Variants in ERG28 observed in about 807,000 individuals in gnomAD.
ERG28 encodes the protein ergosterol biosynthetic protein 28 homolog.
In ERG28, 9 loss-of-function variants were observed where a neutral mutation model predicts 15.7. That is an observed-to-expected ratio of 0.57 (90% confidence interval 0.35 to 1.00). ERG28 has a LOEUF of 1.00. Among genes scored for constraint, ERG28 ranks in the 50% least tolerant of loss-of-function variants. The pLI is 0.02. For synonymous variants in ERG28, 61 were observed against 68.4 expected, an observed-to-expected ratio of 0.89 and a Z score of 0.53; for missense variants, 117 against 173.3, an observed-to-expected ratio of 0.68 and a Z score of 1.82.
Position 75,657,356 on chromosome 14 carries a change from C to T in ERG28, c.133+14G>A, listed in dbSNP as rs200233869. 4.1e-5 allele frequency: 66 copies of T among 1,613,656 alleles called. 1 individual carries two copies. Among genetic ancestry groups the T allele is most frequent in the Non-Finnish European group, 9.3e-6 (11 of 1,179,822 alleles). On this transcript the variant is annotated intron_variant, in intron 2 of 4. Transcript: ENST00000256319. Reference sequence around the variant, plus strand: ...AAGTCCTATAAAGGATGCAGAAATTCTTTGATTTCTTACCAAGGTTTGGCT... The same window carrying T: ...AAGTCCTATAAAGGATGCAGAAATTTTTTGATTTCTTACCAAGGTTTGGCT...
intron 1 of ERG28, among the ~76,000 whole-genome samples, chr14:75,659,401 A>G (rs528097138): frequency 2.6e-5 from 4 of 152,168 alleles, no homozygotes; most frequent in African/African-American, 7.2e-5. Flanking sequence ...TCTGTCACAC[A>G]GGCTGGAATG....
rs1399224225 is a variant in ERG28 at position 75,659,367 on chromosome 14, TA to T, written c.-32+1407del. On this transcript the variant is annotated intron_variant, in intron 1 of 4. Transcript: ENST00000256319. ...TTTTTTAATTTATTATTTATTTATT[TA>T]TTTTTTTGAGACAGGGTCTTGCTCT... 5.9e-5 allele frequency among the ~76,000 whole-genome samples: 9 copies of T among 152,260 alleles called. No homozygotes were observed. In the East Asian group the frequency reaches 1.7e-3, roughly 29 times the overall value.
At chr14:75,654,850 C>G in intron 3 of ERG28, 36 bp downstream of exon 3, 1 of 1,573,486 alleles carries the variant, frequency 6.4e-7, no homozygotes, top group Non-Finnish European at 8.7e-7. Context: ...TGATTTCCAA[C>G]AAAAGGATGC....
At chr14:75,655,051 G>A (rs1341083179) in intron 2 of ERG28, 75 bp from the exon 3 acceptor site, 2 of 1,421,810 alleles carry the variant, frequency 1.4e-6, no homozygotes, top group African/African-American at 2.8e-5. Context: ...CTATTTCACT[G>A]GTGGTTCATG....
intron 3 of ERG28, among the ~76,000 whole-genome samples, chr14:75,653,313 G>A (rs910473866): frequency 6.6e-6 from 1 of 151,994 alleles, no homozygotes; most frequent in Non-Finnish European, 1.5e-5. Context: ...GTAAAGATAA[G>A]TCTGGGTCAG....
Position 75,651,799 on chromosome 14 carries a change from A to C in ERG28, c.315T>G (p.Ile105Met), listed in dbSNP as rs748156886. 1 of 1,614,086 alleles carries C rather than the reference A, an allele frequency of 6.2e-7. No homozygotes were observed. The highest frequency in any genetic ancestry group is 8.5e-7 in the Non-Finnish European group (1 of 1,179,916). Residue 105 changes from isoleucine to methionine, a missense_variant, in exon 4 of 5, where the codon ATT becomes ATG. Ile to Met is a conservative substitution (Grantham distance 10). Transcript: ENST00000256319. ...CCACCATCAGGGGTGCCAGGACGCC[A>C]ATCGTGGGAGCTGCAGTTCCATAGA... Reference protein sequence around the residue: ...LFVYGTAAPTIGVLAPLMVAS... With the variant: ...LFVYGTAAPTMGVLAPLMVAS...
At chr14:75,659,935 T>G (rs1292072461) in intron 1 of ERG28, among the ~76,000 whole-genome samples, 3 of 147,676 alleles carry the variant, frequency 2.0e-5, no homozygotes, top group Non-Finnish European at 3.0e-5. Context: ...GGTGAATTGA[T>G]GAGCCCTTCA....
rs1428934349 is a variant in ERG28, at chr14:75,654,968, G to C, written c.142C>G (p.Leu48Val). The change falls in exon 3 of 5, where the codon CTC becomes GTC. Residue 48 changes from leucine to valine, a missense_variant. Coordinates refer to ENST00000256319, the MANE Select transcript of ERG28 (RefSeq NM_007176.4). ...CAGATCCCAAAGGTCCGAGCTTGGA[G>C]GCCATTCACTGTGTAGCAGAAAAAA... ...YTGKPNLVNG[L>V]QARTFGIWTL... The C allele has an allele frequency of 2.5e-6, 4 of 1,613,844 alleles. No homozygotes were observed. The highest frequency in any genetic ancestry group is 3.4e-6 in the Non-Finnish European group (4 of 1,179,850).
At chr14:75,659,563 CTT>C (rs10706626) in intron 1 of ERG28, among the ~76,000 whole-genome samples, 2,080 of 138,056 alleles carry the variant, frequency 0.015, 16 homozygotes, top group South Asian at 0.029. Context: ...AGCACCCAGC[CTT>C]TTTTTTTTTT....
At chr14:75,652,978 C>A (rs1355437497) in intron 3 of ERG28, among the ~76,000 whole-genome samples, 3 of 151,952 alleles carry the variant, frequency 2.0e-5, no homozygotes, top group Admixed American at 6.5e-5. Context: ...TGCACACCAC[C>A]ACGCCCAGCT....
chr14:75,652,501 A>T (rs1353040313), intron 3 of ERG28, among the ~76,000 whole-genome samples: 1 of 152,224 alleles, frequency 6.6e-6, no homozygotes, highest in Admixed American at 6.5e-5. Context: ...AAGGTAGAGA[A>T]GAGACAGGCT....
At chr14:75,654,780 C>G in intron 3 of ERG28, 106 bp downstream of exon 3, 1 of 1,182,210 alleles carries the variant, frequency 8.5e-7, no homozygotes, top group Non-Finnish European at 1.3e-6. Flanking sequence ...ACATTCTAAG[C>G]TAATGCATTA....
At chr14:75,657,571 C>CAGTCT in intron 1 of ERG28, 38 bp from the exon 2 acceptor site, 1 of 1,576,788 alleles carries the variant, frequency 6.3e-7, no homozygotes, top group Non-Finnish European at 8.7e-7. Context: ...ACAATGAGGG[C>CAGTCT]CAGTCTATGT....
At chr14:75,656,529 T>A (rs940752069) in intron 2 of ERG28, among the ~76,000 whole-genome samples, 7 of 152,212 alleles carry the variant, frequency 4.6e-5, no homozygotes, top group African/African-American at 1.7e-4. Flanking sequence ...CTTATTATAT[T>A]TGAGCTTTCT....
chr14:75,654,595 A>C (rs576783262), intron 3 of ERG28, among the ~76,000 whole-genome samples: 1 of 152,094 alleles, frequency 6.6e-6, no homozygotes, highest in South Asian at 2.1e-4. Context: ...CTTTAGTAGA[A>C]GAAGGGCTGA....
Sources: gnomAD v4.1 joint callset for allele counts (sites outside exome capture counted in the v4.1 genomes callset) on GRCh38, gnomAD v4.1.1 for gene constraint, MANE v1.5 for transcripts, NCBI Gene and HGNC (gene_info 2026-07-23, HGNC 2026-07-21) for gene names.